The following UPRT variants were observed in gnomAD, a reference collection of about 807,000 sequenced individuals.
UPRT encodes RP11-311P8.3.
UPRT carries 5 observed loss-of-function variants against 22.6 expected under a neutral mutation model. The ratio of observed to expected loss-of-function variants is 0.22; its 90% CI spans 0.12 to 0.47. The LOEUF is 0.47. UPRT is among the 20% of genes least tolerant of loss of function. The pLI is 0.99. For missense variants in UPRT, 181 were observed against 239.9 expected, an observed-to-expected ratio of 0.75 and a Z score of 1.62; for synonymous variants, 77 against 87.7, an observed-to-expected ratio of 0.88 and a Z score of 0.68.
chrX:75,199,653 G>C (rs1048137047), intron 4 of UPRT, among the ~76,000 whole-genome samples: 1 of 111,462 alleles, frequency 9.0e-6, no homozygotes, highest in Non-Finnish European at 1.9e-5. Flanking sequence ...GGAAAATAAA[G>C]GGGACTTTGT....
chrX:75,272,356 ATG>A (rs1295210877), upstream of UPRT, among the ~76,000 whole-genome samples: 37 of 90,252 alleles, frequency 4.1e-4, no homozygotes, highest in East Asian at 1.3e-3. Flanking sequence ...ACATATATAT[ATG>A]TGTATATATA....
intron 4 of UPRT, among the ~76,000 whole-genome samples, chrX:75,218,017 A>C (rs1391125347): frequency 2.7e-5 from 3 of 111,934 alleles, no homozygotes; most frequent in Non-Finnish European, 5.6e-5. Flanking sequence ...CAATGGCAAC[A>C]AAAGCCAAAA....
intron 4 of UPRT, among the ~76,000 whole-genome samples, chrX:75,249,404 G>A (rs1206616772): frequency 1.8e-5 from 2 of 111,673 alleles, no homozygotes; most frequent in African/African-American, 6.5e-5. Context: ...GTCAGTGGTT[G>A]CAATCCTAGT....
At chrX:75,213,018 G>A (rs1283708448) in intron 4 of UPRT, among the ~76,000 whole-genome samples, 1 of 112,490 alleles carries the variant, frequency 8.9e-6, no homozygotes, top group African/African-American at 3.2e-5. Flanking sequence ...GCGGAATTTA[G>A]ACATATAGGA....
At chrX:75,239,043 C>A (rs1264531259) in intron 4 of UPRT, among the ~76,000 whole-genome samples, 1 of 111,095 alleles carries the variant, frequency 9.0e-6, no homozygotes, top group Non-Finnish European at 1.9e-5. Flanking sequence ...TAAGCTCACA[C>A]TTCAATGAAC....
At chrX:75,195,524 C>T (rs1403534381) in intron 4 of UPRT, among the ~76,000 whole-genome samples, 1 of 112,099 alleles carries the variant, frequency 8.9e-6, no homozygotes, top group African/African-American at 3.2e-5. Context: ...CTGCACCAGC[C>T]AGAGTTCTGC....
chrX:75,170,329 G>T (rs1034082029), intron 4 of UPRT, among the ~76,000 whole-genome samples: 17 of 111,595 alleles, frequency 1.5e-4, no homozygotes, highest in African/African-American at 5.5e-4. Context: ...GAGCCACCAC[G>T]CCTGGCCTGT....
At chrX:75,181,298 C>T in intron 4 of UPRT, among the ~76,000 whole-genome samples, 1 of 111,536 alleles carries the variant, frequency 9.0e-6, no homozygotes, top group Non-Finnish European at 1.9e-5. Context: ...GTTCTTCCAG[C>T]TTTGTTCTTT....
At chrX:75,277,443 G>A (rs2082635984) in intron 1 of UPRT, among the ~76,000 whole-genome samples, 1 of 110,076 alleles carries the variant, frequency 9.1e-6, no homozygotes, top group African/African-American at 3.3e-5. Context: ...GAAGGAGACA[G>A]CAGGATCCAG....
chrX:75,252,311 C>T (rs1325576332), intron 4 of UPRT, among the ~76,000 whole-genome samples: 5 of 111,699 alleles, frequency 4.5e-5, no homozygotes, highest in Non-Finnish European at 9.4e-5. Flanking sequence ...GCAACCTACT[C>T]ATCTGACAAA....
At chrX:75,179,310 A>G (rs909767794) in intron 4 of UPRT, among the ~76,000 whole-genome samples, 4 of 111,839 alleles carry the variant, frequency 3.6e-5, no homozygotes, top group African/African-American at 9.8e-5. Context: ...CATCCTTACC[A>G]GAGCAGCTAG....
intron 2 of UPRT, among the ~76,000 whole-genome samples, chrX:75,294,918 C>T (rs1267273534): frequency 2.7e-5 from 3 of 111,219 alleles, no homozygotes; most frequent in Non-Finnish European, 5.7e-5. Context: ...AGATGCTTCC[C>T]TGAAAGGGCA....
intron 4 of UPRT, among the ~76,000 whole-genome samples, chrX:75,214,445 A>G (rs2082387427): frequency 8.8e-6 from 1 of 113,035 alleles, no homozygotes; most frequent in South Asian, 3.6e-4. Context: ...TGATGAATCT[A>G]AAATAGTCAA....
chrX:75,193,414 G>A (rs2082322528), intron 4 of UPRT, among the ~76,000 whole-genome samples: 1 of 110,937 alleles, frequency 9.0e-6, no homozygotes, highest in South Asian at 3.8e-4. Context: ...TTTCATTTTA[G>A]CCTTTGAGAA....
chrX:75,191,187 C>G lies in UPRT; in HGVS notation c.-447+23308C>G, dbSNP rs746959010. On this transcript the variant is annotated intron_variant, in intron 4 of 13. Transcript: ENST00000652605. ...GATGTCCTTTCTGTTTGTTAGTTTT[C>G]CTTCTAACAATCAGGACCCTTAGCT... Among the ~76,000 whole-genome samples, 14 of 112,335 alleles carry G rather than the reference C, an allele frequency of 1.2e-4. No individual in the cohort carries two copies. In the South Asian group the frequency reaches 5.2e-3, roughly 42 times the overall value.
chrX:75,233,757 G>A (rs1438290527), intron 4 of UPRT, among the ~76,000 whole-genome samples: 1 of 110,249 alleles, frequency 9.1e-6, no homozygotes, highest in African/African-American at 3.3e-5. Flanking sequence ...TCACCACCAG[G>A]CCTGCCCTAA....
chrX:75,276,255 T>C (rs1057319707), intron 1 of UPRT, among the ~76,000 whole-genome samples: 7 of 112,032 alleles, frequency 6.2e-5, no homozygotes, highest in African/African-American at 1.9e-4. Flanking sequence ...TTTTCGTATA[T>C]TGTTATTTTT....
intron 1 of UPRT, 109 bp downstream of exon 1, chrX:75,274,749 G>A: frequency 5.7e-6 from 5 of 883,109 alleles, no homozygotes; most frequent in Middle Eastern, 6.7e-4. Flanking sequence ...GGCAAACTTT[G>A]GAGATTGGGG....
intron 4 of UPRT, among the ~76,000 whole-genome samples, chrX:75,200,729 A>G (rs948291735): frequency 9.0e-6 from 1 of 110,783 alleles, no homozygotes; most frequent in Non-Finnish European, 1.9e-5. Flanking sequence ...AGGCGGGCGG[A>G]TTGCCAGAGC....
Sources: allele counts gnomAD v4.1 joint callset (sites outside exome capture counted in the v4.1 genomes callset), GRCh38; gene constraint gnomAD v4.1.1; transcripts MANE v1.5; gene names NCBI Gene and HGNC (gene_info 2026-07-23, HGNC 2026-07-21).